The following CSMD3 variants were observed in gnomAD, a reference collection of about 807,000 sequenced individuals.
CSMD3 encodes CUB and sushi domain-containing protein 3.
Under a neutral mutation model 435.2 loss-of-function variants are expected in CSMD3, and 177 were observed. That is an observed-to-expected ratio of 0.41 (90% CI 0.36 to 0.46). CSMD3 has a LOEUF of 0.46. CSMD3 is among the 20% of genes least tolerant of loss of function. CSMD3 has a pLI of 0.34. For synonymous variants in CSMD3, 1,656 were observed against 1,520.5 expected, an observed-to-expected ratio of 1.09 and a Z score of -2.07; for missense variants, 4,265 against 4,504.6, an observed-to-expected ratio of 0.95 and a Z score of 1.52.
intron 6 of CSMD3, among the ~76,000 whole-genome samples, chr8:113,016,661 T>G (rs560841797): frequency 6.6e-6 from 1 of 151,896 alleles, no homozygotes; most frequent in African/African-American, 2.4e-5. Flanking sequence ...GAAACTGAGC[T>G]GCATGGAGAC....
chr8:112,846,449 G>A (rs903692399), intron 11 of CSMD3, among the ~76,000 whole-genome samples: 1 of 151,020 alleles, frequency 6.6e-6, no homozygotes, highest in African/African-American at 2.4e-5. Context: ...TGTCACCCAG[G>A]CTGGAATGCA....
chr8:112,326,350 C>G (rs1186395136), intron 45 of CSMD3, among the ~76,000 whole-genome samples: 2 of 152,136 alleles, frequency 1.3e-5, no homozygotes, highest in Admixed American at 1.3e-4. Context: ...ACAAAGCAGG[C>G]TGATCAAATA....
At chr8:113,159,676 T>C (rs1564377502) in intron 4 of CSMD3, among the ~76,000 whole-genome samples, 1 of 152,044 alleles carries the variant, frequency 6.6e-6, no homozygotes, top group African/African-American at 2.4e-5. Flanking sequence ...TTATTCTTTT[T>C]CCTAAAGTCA....
intron 1 of CSMD3, among the ~76,000 whole-genome samples, chr8:113,378,747 T>C (rs2094401326): frequency 7.6e-6 from 1 of 131,786 alleles, no homozygotes; most frequent in Non-Finnish European, 1.6e-5. Flanking sequence ...AAAACAATTT[T>C]GATTGTCACA....
chr8:112,637,261 T>TA (rs529426349), intron 21 of CSMD3, among the ~76,000 whole-genome samples: 171 of 152,230 alleles, frequency 1.1e-3, no homozygotes, highest in African/African-American at 3.7e-3. Context: ...AATAATAAAT[T>TA]AAAAAATAGC....
intron 41 of CSMD3, among the ~76,000 whole-genome samples, chr8:112,343,058 T>A (rs1825331377): frequency 6.9e-6 from 1 of 145,496 alleles, no homozygotes; most frequent in Admixed American, 7.0e-5. Context: ...GACCTAATAT[T>A]TGATTTAATC....
intron 32 of CSMD3, among the ~76,000 whole-genome samples, chr8:112,456,060 A>T (rs534156017): frequency 6.6e-6 from 1 of 152,278 alleles, no homozygotes; most frequent in African/African-American, 2.4e-5. Context: ...ATTTGGAAGT[A>T]CATCCAGACA....
At chr8:113,342,181 C>G (rs979864385) in intron 1 of CSMD3, among the ~76,000 whole-genome samples, 9 of 152,090 alleles carry the variant, frequency 5.9e-5, no homozygotes, top group African/African-American at 2.2e-4. Context: ...TAAACTGTGT[C>G]GGAAAGCCTA....
chr8:112,573,591 G>C lies in CSMD3; in HGVS notation c.3952C>G (p.Leu1318Val), dbSNP rs918132020. 1.2e-6 allele frequency: 2 copies of C among 1,613,054 alleles called. No individual in the cohort carries two copies. Among genetic ancestry groups the C allele is most frequent in the Non-Finnish European group, 1.7e-6 (2 of 1,179,304 alleles). Residue 1318 changes from leucine (L) to valine (V), a missense_variant, in exon 24 of 71, where the codon CTG becomes GTG. Transcript: ENST00000297405. ...TGATTTGAAGTACTACTAAGTGTCA[G>C]TCCGCGCATAGATGCACCAGTAAAA... Reference protein sequence around the residue: ...GAFTGASMRGLTLSSTSNQLW... With the variant: ...GAFTGASMRGVTLSSTSNQLW...
chr8:112,382,066 G>A (rs1248636573), intron 37 of CSMD3, among the ~76,000 whole-genome samples: 1 of 151,892 alleles, frequency 6.6e-6, no homozygotes, highest in Non-Finnish European at 1.5e-5. Context: ...ATCTCTTGAG[G>A]CCATGAGTTG....
At chr8:112,871,816 A>C (rs1026058478) in intron 10 of CSMD3, among the ~76,000 whole-genome samples, 5 of 152,114 alleles carry the variant, frequency 3.3e-5, no homozygotes, top group Non-Finnish European at 4.4e-5. Context: ...AGTTATACCC[A>C]AAGTTATGTT....
chr8:112,748,778 G>A (rs950080920), intron 13 of CSMD3, among the ~76,000 whole-genome samples: 1 of 151,892 alleles, frequency 6.6e-6, no homozygotes, highest in Non-Finnish European at 1.5e-5. Context: ...CTTTACTATC[G>A]TGAACAGTGC....
At chr8:113,030,418 A>T (rs1042583650) in intron 5 of CSMD3, among the ~76,000 whole-genome samples, 3 of 89,404 alleles carry the variant, frequency 3.4e-5, no homozygotes, top group Non-Finnish European at 6.9e-5. Context: ...TGGTACTGGT[A>T]AAAAAAAAAA....
At chr8:112,404,947 G>A (rs187439326) in intron 35 of CSMD3, among the ~76,000 whole-genome samples, 48 of 151,416 alleles carry the variant, frequency 3.2e-4, no homozygotes, top group South Asian at 6.3e-4. Flanking sequence ...GGAGGCCGAG[G>A]GGGGTGGATT....
intron 63 of CSMD3, among the ~76,000 whole-genome samples, chr8:112,247,812 A>G (rs1170996616): frequency 6.6e-6 from 1 of 152,208 alleles, no homozygotes; most frequent in African/African-American, 2.4e-5. Flanking sequence ...TAGAAAAACC[A>G]ATAATCTGTT....
chr8:113,242,831 T>C (rs1208569857), intron 3 of CSMD3, among the ~76,000 whole-genome samples: 1 of 151,962 alleles, frequency 6.6e-6, no homozygotes, highest in Non-Finnish European at 1.5e-5. Context: ...ACCTAAAATA[T>C]AGGTAAAGTT....
At chr8:112,472,831 C>A in intron 31 of CSMD3, 124 bp from the exon 32 acceptor site, 1 of 656,762 alleles carries the variant, frequency 1.5e-6, no homozygotes, top group South Asian at 1.7e-5. Context: ...TTATTTGCAT[C>A]TTATAATAAG....
At chr8:112,626,520 A>T (rs1353867299) in intron 22 of CSMD3, among the ~76,000 whole-genome samples, 1 of 151,612 alleles carries the variant, frequency 6.6e-6, no homozygotes, top group Non-Finnish European at 1.5e-5. Flanking sequence ...ACATATACAG[A>T]ACAAAAAGAC....
intron 10 of CSMD3, among the ~76,000 whole-genome samples, chr8:112,874,204 T>A (rs1490585330): frequency 6.6e-6 from 1 of 152,174 alleles, no homozygotes; most frequent in Non-Finnish European, 1.5e-5. Context: ...TCAGTTTCCA[T>A]GTAGTTGTGC....
Sources: allele counts gnomAD v4.1 joint callset (sites outside exome capture counted in the v4.1 genomes callset), GRCh38; gene constraint gnomAD v4.1.1; transcripts MANE v1.5; gene names NCBI Gene and HGNC (gene_info 2026-07-23, HGNC 2026-07-21).